The following DKK4 variants were observed in gnomAD, a reference collection of about 807,000 sequenced individuals.
The protein encoded by DKK4 is dickkopf Wnt signaling pathway inhibitor 4, also known as dickkopf-related protein 4.
DKK4 carries 15 observed loss-of-function variants against 14.5 expected under a neutral mutation model. The observed-to-expected ratio is 1.03, with a 90% CI of 0.69 to 1.59. The LOEUF is 1.59. DKK4 is among the 40% of genes most tolerant of loss of function. The probability of loss-of-function intolerance (pLI) is 0.00; values close to 1 mark genes in which losing one functional copy is unlikely to be tolerated. For missense variants in DKK4, 272 were observed against 280.3 expected (o/e 0.97, Z 0.21); for synonymous variants, 89 against 105.2 (o/e 0.85, Z 0.94).
the DKK4 span, among the ~76,000 whole-genome samples, chr8:42,387,419 A>T: frequency 7.9e-6 from 1 of 126,618 alleles, no homozygotes; most frequent in Non-Finnish European, 1.6e-5. Context: ...GTGCAATGGC[A>T]CGATCTCTGC....
chr8:42,376,918 C>G lies in DKK4; in HGVS notation c.111+17G>C, dbSNP rs369841282. 6.2e-6 allele frequency: 10 copies of G among 1,609,326 alleles called. 1 individual carries two copies. The highest frequency in any genetic ancestry group is 1.7e-5 in the Admixed American group (1 of 59,990). On this transcript the variant is annotated intron_variant, in intron 1 of 3. Transcript: ENST00000220812. ...GTCAGCAGTCCCGTACCTCGCCCCC[C>G]TCCCTAGCAGCCTTACCTTCCGGGC...
Position 42,374,794 on chromosome 8 carries a change from T to G in DKK4, c.382A>C (p.Lys128Gln), listed in dbSNP as rs780808506. ...CCTTGTGATTTCTTAATACTTGGCT[T>G]CCTTTTGGGTTGGTTTTCCTGGACT... ...HPVQENQPKR[K>Q]PSIKKSQGRK... The change falls in exon 3 of 4, where the codon AAG (lysine) becomes CAG (glutamine). Residue 128 changes from lysine (K) to glutamine (Q), a missense_variant. Coordinates refer to ENST00000220812, the MANE Select transcript of DKK4 (RefSeq NM_014420.3). The G allele has an allele frequency of 1.9e-6, 3 of 1,614,262 alleles. No homozygotes were observed. The highest frequency in any genetic ancestry group is 2.5e-6 in the Non-Finnish European group (3 of 1,180,054).
At chr8:42,387,507 T>C in the DKK4 span, among the ~76,000 whole-genome samples, 1 of 151,748 alleles carries the variant, frequency 6.6e-6, no homozygotes, top group African/African-American at 2.4e-5. Context: ...ACAGGTGCCC[T>C]CCACCATGCC....
At chr8:42,377,600 T>C (rs778025545), upstream of DKK4, among the ~76,000 whole-genome samples, 1 of 152,180 alleles carries the variant, frequency 6.6e-6, no homozygotes, top group Admixed American at 6.5e-5. Flanking sequence ...GGATGAATCA[T>C]ACTGGCCAAT....
chr8:42,385,401 GA>G, the DKK4 span, among the ~76,000 whole-genome samples: 2 of 151,818 alleles, frequency 1.3e-5, no homozygotes, highest in East Asian at 1.9e-4. Flanking sequence ...CAAAAAAAGA[GA>G]AAAAAAATCT....
rs113111764 is a variant in DKK4, at chr8:42,376,643, C to T, written c.111+292G>A. ...TCAAATTGTGAGGAAGAGTACATGACGTATTACATGTAAAAGAGCTGGCAC... is the reference window on the plus strand; with the variant it reads ...TCAAATTGTGAGGAAGAGTACATGATGTATTACATGTAAAAGAGCTGGCAC... On this transcript the variant is annotated intron_variant, in intron 1 of 3. Transcript: ENST00000220812. Among the ~76,000 whole-genome samples the T allele has an allele frequency of 9.7e-3, 1,477 of 152,166 alleles. 22 individuals carry two copies. Among genetic ancestry groups the T allele is most frequent in the Non-Finnish European group, 0.016 (1,067 of 68,014 alleles).
chr8:42,386,537 G>T, the DKK4 span, among the ~76,000 whole-genome samples: 1 of 152,160 alleles, frequency 6.6e-6, no homozygotes, highest in Admixed American at 6.5e-5. Flanking sequence ...TGTCACCCAG[G>T]CTGGAGTGCA....
intron 2 of DKK4, among the ~76,000 whole-genome samples, chr8:42,375,324 T>A (rs1332081568): frequency 6.6e-6 from 1 of 152,140 alleles, no homozygotes. Flanking sequence ...GTGGATCACC[T>A]GAGGTCAGAA....
chr8:42,385,622 C>T, the DKK4 span, among the ~76,000 whole-genome samples: 1 of 151,966 alleles, frequency 6.6e-6, no homozygotes, highest in African/African-American at 2.4e-5. Flanking sequence ...TGTCTCCTTG[C>T]TCCCCCTTGT....
chr8:42,389,417 G>A, the DKK4 span, among the ~76,000 whole-genome samples: 2 of 152,122 alleles, frequency 1.3e-5, no homozygotes, highest in Non-Finnish European at 2.9e-5. Context: ...ACTTTATTTC[G>A]CCTACTAGGT....
At chr8:42,388,075 T>G in the DKK4 span, among the ~76,000 whole-genome samples, 8 of 151,796 alleles carry the variant, frequency 5.3e-5, no homozygotes, top group African/African-American at 1.9e-4. Flanking sequence ...ATTAAAAATG[T>G]TTTTTTTAGA....
chr8:42,386,925 AAAACTATACT>A, the DKK4 span, among the ~76,000 whole-genome samples: 1 of 152,238 alleles, frequency 6.6e-6, no homozygotes, highest in African/African-American at 2.4e-5. Flanking sequence ...CTCTGAGAGT[AAAACTATACT>A]AAACTTCCAA....
the DKK4 span, among the ~76,000 whole-genome samples, chr8:42,386,753 T>A: frequency 6.6e-6 from 1 of 152,194 alleles, no homozygotes; most frequent in African/African-American, 2.4e-5. Flanking sequence ...CTTCCTGAGG[T>A]GCTGGGATTA....
At chr8:42,383,502 A>G in the DKK4 span, among the ~76,000 whole-genome samples, 3 of 152,228 alleles carry the variant, frequency 2.0e-5, no homozygotes, top group East Asian at 1.9e-4. Context: ...GAGCTGTGCA[A>G]TGTGCTGGTG....
At chr8:42,386,209 C>CTAT in the DKK4 span, among the ~76,000 whole-genome samples, 2 of 152,074 alleles carry the variant, frequency 1.3e-5, no homozygotes, top group Non-Finnish European at 2.9e-5. Flanking sequence ...CCCGCCTCAG[C>CTAT]CTCCCAAGTA....
the DKK4 span, among the ~76,000 whole-genome samples, chr8:42,386,523 A>C: frequency 5.9e-5 from 9 of 152,076 alleles, no homozygotes; most frequent in African/African-American, 2.2e-4. Context: ...ATGGTGTCTC[A>C]CTGTGTCACC....
At chr8:42,385,752 T>A in the DKK4 span, among the ~76,000 whole-genome samples, 1 of 152,270 alleles carries the variant, frequency 6.6e-6, no homozygotes, top group South Asian at 2.1e-4. Flanking sequence ...TTCTCATACA[T>A]CTAGGTTCTT....
At chr8:42,387,121 T>C in the DKK4 span, among the ~76,000 whole-genome samples, 1 of 152,258 alleles carries the variant, frequency 6.6e-6, no homozygotes, top group Admixed American at 6.5e-5. Context: ...GAAAGACGCT[T>C]AGCAAACATC....
chr8:42,375,745 CAT>C lies in DKK4; in HGVS notation c.195_196del (p.Cys66SerfsTer39), dbSNP rs757368338. ...CTGGCACCTCCTCCGCAACCCACGA[CAT>C]GTAGCACAGAACGGCTTCTCATCGC... On this transcript the variant is annotated frameshift_variant, in exon 2 of 4. Transcript: ENST00000220812. LOFTEE classifies it high-confidence loss of function. 3.8e-5 allele frequency: 62 copies of C among 1,613,912 alleles called. No individual in the cohort carries two copies. The highest frequency in any genetic ancestry group is 2.2e-4 in the Admixed American group (13 of 59,998).
Sources: gnomAD v4.1 joint callset for allele counts (sites outside exome capture counted in the v4.1 genomes callset) on GRCh38, gnomAD v4.1.1 for gene constraint, MANE v1.5 for transcripts, NCBI Gene and HGNC (gene_info 2026-07-23, HGNC 2026-07-21) for gene names.